CRTAC1: variants seen among roughly 807,000 people sequenced by gnomAD.
CRTAC1 encodes the protein cartilage acidic protein 1, also known as acidic secreted protein in cartilage.
In CRTAC1, 37 loss-of-function variants were observed where a neutral mutation model predicts 67.8. That is an observed-to-expected ratio of 0.55 (90% CI 0.42 to 0.72). The LOEUF (loss-of-function observed/expected upper bound fraction) is 0.72, where lower values mean the gene tolerates loss of function less well. CRTAC1 is among the 30% of genes least tolerant of loss of function. The pLI is 0.00. For missense variants in CRTAC1, 780 were observed against 931.6 expected, an observed-to-expected ratio of 0.84 and a Z score of 2.12; for synonymous variants, 348 against 371.0, an observed-to-expected ratio of 0.94 and a Z score of 0.71.
At chr10:97,974,244 C>T (rs1426242791) in intron 2 of CRTAC1, among the ~76,000 whole-genome samples, 1 of 152,146 alleles carries the variant, frequency 6.6e-6, no homozygotes, top group Non-Finnish European at 1.5e-5. Context: ...CAGGAAGCGC[C>T]TGTCGGTGTG....
chr10:97,892,968 T>A (rs980835982), intron 11 of CRTAC1, among the ~76,000 whole-genome samples: 1 of 152,180 alleles, frequency 6.6e-6, no homozygotes, highest in Non-Finnish European at 1.5e-5. Flanking sequence ...CGACAAAACA[T>A]ATGGAAGAAA....
chr10:97,936,907 C>T (rs559255496), intron 2 of CRTAC1, among the ~76,000 whole-genome samples: 1 of 152,192 alleles, frequency 6.6e-6, no homozygotes, highest in African/African-American at 2.4e-5. Flanking sequence ...GGGAGTTGAA[C>T]CAAGGTGCTT....
At chr10:97,893,567 T>C (rs937818711) in intron 11 of CRTAC1, among the ~76,000 whole-genome samples, 1 of 152,190 alleles carries the variant, frequency 6.6e-6, no homozygotes, top group African/African-American at 2.4e-5. Flanking sequence ...TATTTTAAAA[T>C]GTTGTATTTT....
chr10:97,902,502 G>A (rs1353615376), intron 7 of CRTAC1, among the ~76,000 whole-genome samples: 1 of 152,240 alleles, frequency 6.6e-6, no homozygotes, highest in Non-Finnish European at 1.5e-5. Flanking sequence ...AGCCCAGCTG[G>A]GACTCCAAAG....
chr10:97,904,448 G>A (rs1376594023), intron 7 of CRTAC1, among the ~76,000 whole-genome samples: 1 of 152,048 alleles, frequency 6.6e-6, no homozygotes, highest in Admixed American at 6.6e-5. Context: ...TTGAGATGGA[G>A]TCTCGCTCTG....
chr10:97,944,356 G>A (rs561513932), intron 2 of CRTAC1, among the ~76,000 whole-genome samples: 29 of 152,090 alleles, frequency 1.9e-4, no homozygotes, highest in African/African-American at 5.5e-4. Context: ...CGCATGAACC[G>A]GGGAGGCAGA....
chr10:97,884,651 A>G (rs2136542308), intron 11 of CRTAC1: 1 of 320,952 alleles, frequency 3.1e-6, no homozygotes, highest in South Asian at 9.0e-5. Flanking sequence ...TGAAGAGGTG[A>G]ATTTTCAATT....
intron 7 of CRTAC1, among the ~76,000 whole-genome samples, chr10:97,902,585 G>C (rs75649141): frequency 1.3e-5 from 2 of 152,194 alleles, no homozygotes; most frequent in South Asian, 4.1e-4. Context: ...AAGGAGAGCT[G>C]GGAAGGGCAA....
At chr10:97,990,049 T>A (rs1428698864) in intron 2 of CRTAC1, among the ~76,000 whole-genome samples, 1 of 152,268 alleles carries the variant, frequency 6.6e-6, no homozygotes, top group African/African-American at 2.4e-5. Flanking sequence ...TTTAAGACTA[T>A]GGTCTTGAAC....
In CRTAC1 at chr10:97,895,128, T is replaced by A; in HGVS notation, c.1486+117A>T. On this transcript the variant is annotated intron_variant, in intron 11 of 14. Transcript: ENST00000370597. The surrounding 1 kb of genome is among the most constrained non-coding windows in gnomAD (Gnocchi z 4.2). ...TAGGGTTTGTCCCCAGTAGCTGGTG[T>A]CCACCATGGCTGTCACAGTAGAGCG... The A allele has an allele frequency of 1.0e-6, 1 of 999,614 alleles. No individual in the cohort carries two copies. Among genetic ancestry groups the A allele is most frequent in the Non-Finnish European group, 1.5e-6 (1 of 686,918 alleles). 61.9% of individuals were successfully genotyped at this position (999,614 alleles called of 1,614,324 possible).
chr10:97,981,322 A>C (rs2051887874), intron 2 of CRTAC1, among the ~76,000 whole-genome samples: 1 of 152,228 alleles, frequency 6.6e-6, no homozygotes, highest in African/African-American at 2.4e-5. Context: ...TTAATACTTC[A>C]GTGTATTTCC....
rs149264606 is a variant in CRTAC1, at chr10:97,915,576, G to T, written c.715+1924C>A. On this transcript the variant is annotated intron_variant, in intron 5 of 14. Transcript: ENST00000370597. ...ACGCGCCCAAAGCCTCAGCCATCAG[G>T]CCGGGCTCAGCATGGCGGCCCTTAC... 1.1e-3 allele frequency among the ~76,000 whole-genome samples: 166 copies of T among 152,244 alleles called. 3 individuals carry two copies. In the East Asian group the frequency reaches 0.027, roughly 25 times the overall value.
At chr10:97,880,137 A>G in intron 14 of CRTAC1, 112 bp downstream of exon 14, 1 of 1,286,568 alleles carries the variant, frequency 7.8e-7, no homozygotes, top group Non-Finnish European at 1.1e-6. Flanking sequence ...AGGAGACTCT[A>G]TCCAGCCAGG....
At chr10:98,006,416 G>A (rs1247610376) in intron 2 of CRTAC1, among the ~76,000 whole-genome samples, 1 of 152,078 alleles carries the variant, frequency 6.6e-6, no homozygotes, top group African/African-American at 2.4e-5. Flanking sequence ...GGAGGCACTC[G>A]CCCAGATGTG....
At chr10:97,995,420 C>A (rs1842545038) in intron 2 of CRTAC1, among the ~76,000 whole-genome samples, 1 of 152,164 alleles carries the variant, frequency 6.6e-6, no homozygotes, top group Non-Finnish European at 1.5e-5. Context: ...AGGGGAAGGA[C>A]CTCTTAAATC....
At chr10:97,964,118 C>T (rs1474271799) in intron 2 of CRTAC1, among the ~76,000 whole-genome samples, 1 of 152,182 alleles carries the variant, frequency 6.6e-6, no homozygotes, top group African/African-American at 2.4e-5. Context: ...CCACCTGAAA[C>T]CACTCTGATC....
chr10:97,916,687 A>T (rs1346637336), intron 5 of CRTAC1, among the ~76,000 whole-genome samples: 1 of 152,192 alleles, frequency 6.6e-6, no homozygotes. Context: ...GCCGACCAAC[A>T]AGAGGATCTC....
intron 7 of CRTAC1, among the ~76,000 whole-genome samples, chr10:97,903,561 G>A (rs1391547315): frequency 6.6e-6 from 1 of 152,010 alleles, no homozygotes; most frequent in Non-Finnish European, 1.5e-5. Context: ...CTTGGTAGGG[G>A]TGGCCTCTTC....
At chr10:97,981,385 C>T (rs991101046) in intron 2 of CRTAC1, among the ~76,000 whole-genome samples, 1 of 152,140 alleles carries the variant, frequency 6.6e-6, no homozygotes, top group African/African-American at 2.4e-5. Context: ...TGGGATTCTG[C>T]TGTATCAAGT....
Sources: allele counts gnomAD v4.1 joint callset (sites outside exome capture counted in the v4.1 genomes callset), GRCh38; gene constraint gnomAD v4.1.1; non-coding constraint Gnocchi (gnomAD v3.1); transcripts MANE v1.5; gene names NCBI Gene and HGNC (gene_info 2026-07-23, HGNC 2026-07-21).